Variants in LSAMP observed in about 807,000 individuals in gnomAD.
LSAMP encodes limbic system-associated membrane protein.
Under a neutral mutation model 38.6 loss-of-function variants are expected in LSAMP, and 7 were observed. The observed-to-expected ratio is 0.18, with a 90% CI of 0.10 to 0.34. The LOEUF is 0.34. Among genes scored for constraint, LSAMP ranks in the 10% least tolerant of loss-of-function variants. LSAMP has a pLI of 1.00. For missense variants in LSAMP, 313 were observed against 420.0 expected (o/e 0.75, Z 2.23); for synonymous variants, 154 against 166.8 (o/e 0.92, Z 0.59).
At chr3:116,262,572 G>T (rs1420441075) in intron 1 of LSAMP, among the ~76,000 whole-genome samples, 1 of 152,144 alleles carries the variant, frequency 6.6e-6, no homozygotes, top group Admixed American at 6.5e-5. Flanking sequence ...ATTCACTTTG[G>T]TGTTCTCTGT....
At chr3:116,149,504 G>A (rs926036926) in intron 1 of LSAMP, among the ~76,000 whole-genome samples, 9 of 152,000 alleles carry the variant, frequency 5.9e-5, no homozygotes, top group African/African-American at 2.2e-4. Flanking sequence ...AACCGTTTGA[G>A]AGATTGAACC....
At chr3:116,092,336 C>T (rs974618332) in intron 1 of LSAMP, among the ~76,000 whole-genome samples, 1 of 151,882 alleles carries the variant, frequency 6.6e-6, no homozygotes, top group Admixed American at 6.6e-5. Context: ...AAATGTGTTC[C>T]TGTGTCCACT....
intron 3 of LSAMP, among the ~76,000 whole-genome samples, chr3:116,004,165 C>A (rs563214959): frequency 6.6e-6 from 1 of 152,034 alleles, no homozygotes; most frequent in South Asian, 2.1e-4. Flanking sequence ...GTCCAATTGA[C>A]GTTCAGGGCT....
intron 3 of LSAMP, among the ~76,000 whole-genome samples, chr3:115,894,987 T>TAGAAC (rs1202914634): frequency 2.6e-5 from 4 of 151,476 alleles, no homozygotes; most frequent in Non-Finnish European, 5.9e-5. Context: ...TGCGGATGAA[T>TAGAAC]AGAGAATAAA....
intron 1 of LSAMP, chr3:116,360,037 C>A: frequency 6.5e-6 from 1 of 154,786 alleles, no homozygotes; most frequent in Non-Finnish European, 1.4e-5. Flanking sequence ...CAGCTCCGGT[C>A]TACAGCTCCC....
intron 1 of LSAMP, among the ~76,000 whole-genome samples, chr3:116,212,219 C>T (rs369285368): frequency 6.6e-6 from 1 of 152,170 alleles, no homozygotes; most frequent in African/African-American, 2.4e-5. Flanking sequence ...TGCTTATGAT[C>T]AGCCAATTGG....
intron 1 of LSAMP, among the ~76,000 whole-genome samples, chr3:116,322,116 T>G (rs560665417): frequency 9.8e-5 from 15 of 152,306 alleles, no homozygotes; most frequent in Non-Finnish European, 1.6e-4. Context: ...TCTTATAACA[T>G]AAGCTGATCA....
At chr3:116,098,441 G>A (rs1373181415) in intron 1 of LSAMP, among the ~76,000 whole-genome samples, 1 of 152,180 alleles carries the variant, frequency 6.6e-6, no homozygotes, top group Non-Finnish European at 1.5e-5. Flanking sequence ...TGTGGTTGCA[G>A]TAAGCCAAGA....
chr3:116,065,175 A>G (rs1365594394), intron 2 of LSAMP, among the ~76,000 whole-genome samples: 1 of 152,198 alleles, frequency 6.6e-6, no homozygotes, highest in Non-Finnish European at 1.5e-5. Flanking sequence ...TGACTGAGCT[A>G]GCAAAGGGTT....
intron 1 of LSAMP, among the ~76,000 whole-genome samples, chr3:116,439,790 T>C (rs2049408782): frequency 6.6e-6 from 1 of 152,254 alleles, no homozygotes; most frequent in Non-Finnish European, 1.5e-5. Flanking sequence ...TGGCGCGATC[T>C]TGGCTCACTG....
chr3:115,964,923 G>T (rs1312281023), intron 3 of LSAMP, among the ~76,000 whole-genome samples: 2 of 152,066 alleles, frequency 1.3e-5, no homozygotes, highest in Non-Finnish European at 2.9e-5. Flanking sequence ...CCATATTCAT[G>T]AGTAAGAATA....
chr3:116,330,200 C>G (rs1283101418), intron 1 of LSAMP, among the ~76,000 whole-genome samples: 1 of 152,118 alleles, frequency 6.6e-6, no homozygotes, highest in Non-Finnish European at 1.5e-5. Context: ...ACACTGGAGT[C>G]TACTGAAGGC....
At chr3:115,985,288 G>T (rs1019262129) in intron 3 of LSAMP, among the ~76,000 whole-genome samples, 1 of 152,158 alleles carries the variant, frequency 6.6e-6, no homozygotes, top group East Asian at 1.9e-4. Flanking sequence ...TTGGCTTAGT[G>T]GTTAATTAGT....
chr3:116,034,516 C>T (rs975390950), intron 2 of LSAMP, among the ~76,000 whole-genome samples: 1 of 152,044 alleles, frequency 6.6e-6, no homozygotes, highest in Admixed American at 6.6e-5. Context: ...CTTGTCATAC[C>T]AGCAGAAAGC....
chr3:116,021,890 A>G (rs1013582198), intron 2 of LSAMP, among the ~76,000 whole-genome samples: 11 of 152,114 alleles, frequency 7.2e-5, no homozygotes, highest in African/African-American at 2.4e-4. Context: ...CACTTGTTCA[A>G]TTTCACATAG....
intron 6 of LSAMP, among the ~76,000 whole-genome samples, chr3:115,826,829 A>T (rs1934428917): frequency 6.6e-6 from 1 of 152,192 alleles, no homozygotes; most frequent in Non-Finnish European, 1.5e-5. Flanking sequence ...AAACTCTACA[A>T]AGCAAAGGCA....
chr3:115,930,125 C>G (rs1286987524), intron 3 of LSAMP, among the ~76,000 whole-genome samples: 3 of 143,672 alleles, frequency 2.1e-5, no homozygotes, highest in Non-Finnish European at 3.0e-5. Flanking sequence ...GGGTGGAACT[C>G]TATACCAGCT....
chr3:115,965,291 A>G (rs534983469), intron 3 of LSAMP, among the ~76,000 whole-genome samples: 19 of 152,168 alleles, frequency 1.2e-4, no homozygotes, highest in African/African-American at 4.6e-4. Flanking sequence ...TTAAACTATA[A>G]CAATTGTGCT....
chr3:116,031,096 T>C (rs1358037790), intron 2 of LSAMP, among the ~76,000 whole-genome samples: 1 of 152,150 alleles, frequency 6.6e-6, no homozygotes. Flanking sequence ...TAAGATAATA[T>C]GATAAAAGAT....
Sources: allele counts gnomAD v4.1 joint callset (sites outside exome capture counted in the v4.1 genomes callset), GRCh38; gene constraint gnomAD v4.1.1; transcripts MANE v1.5; gene names NCBI Gene and HGNC (gene_info 2026-07-23, HGNC 2026-07-21).